Variants in ADAMTSL3 observed in about 807,000 individuals in gnomAD.
ADAMTSL3 encodes the protein ADAMTS like 3, also known as ADAMTS-like protein 3.
ADAMTSL3 carries 128 observed loss-of-function variants against 201.7 expected under a neutral mutation model. The ratio of observed to expected loss-of-function variants is 0.63; its 90% CI spans 0.55 to 0.73. The LOEUF (loss-of-function observed/expected upper bound fraction) is 0.73. Among genes scored for constraint, ADAMTSL3 ranks in the 30% least tolerant of loss-of-function variants. The pLI, the probability that ADAMTSL3 is intolerant of heterozygous loss-of-function variation, is 0.00. For missense variants in ADAMTSL3, 1,990 were observed against 2,119.6 expected, an observed-to-expected ratio of 0.94 and a Z score of 1.20; for synonymous variants, 738 against 748.4, an observed-to-expected ratio of 0.99 and a Z score of 0.23.
intron 7 of ADAMTSL3, among the ~76,000 whole-genome samples, chr15:83,850,253 C>T (rs991769262): frequency 2.0e-5 from 3 of 151,992 alleles, no homozygotes; most frequent in Non-Finnish European, 2.9e-5. Context: ...TTCTGCATTC[C>T]AGCTCCTCTG....
intron 4 of ADAMTSL3, among the ~76,000 whole-genome samples, chr15:83,803,845 T>C (rs1418738751): frequency 6.6e-6 from 1 of 152,144 alleles, no homozygotes; most frequent in Non-Finnish European, 1.5e-5. Flanking sequence ...GTAAGGTCAG[T>C]GGTTGAAACA....
At chr15:83,918,924 G>A (rs943902601) in intron 16 of ADAMTSL3, among the ~76,000 whole-genome samples, 2 of 152,158 alleles carry the variant, frequency 1.3e-5, no homozygotes, top group Non-Finnish European at 1.5e-5. Flanking sequence ...TGGTAGAGAT[G>A]GAGTATGGTG....
chr15:83,662,781 C>G (rs566350784), intron 2 of ADAMTSL3, among the ~76,000 whole-genome samples: 1 of 152,058 alleles, frequency 6.6e-6, no homozygotes, highest in Non-Finnish European at 1.5e-5. Flanking sequence ...ATACTTCTTC[C>G]TTTTATTTCT....
chr15:83,855,728 T>C (rs1027516407), intron 7 of ADAMTSL3, among the ~76,000 whole-genome samples: 1 of 152,238 alleles, frequency 6.6e-6, no homozygotes, highest in African/African-American at 2.4e-5. Flanking sequence ...TGCAAGCCTT[T>C]GGTTAATTTC....
chr15:83,947,685 T>A (rs2066679598), intron 19 of ADAMTSL3, among the ~76,000 whole-genome samples: 3 of 152,226 alleles, frequency 2.0e-5, no homozygotes, highest in Admixed American at 2.0e-4. Context: ...TTTCTACTTA[T>A]CTGACTATGT....
chr15:83,912,046 T>C (rs2065944366), intron 15 of ADAMTSL3, among the ~76,000 whole-genome samples: 1 of 152,234 alleles, frequency 6.6e-6, no homozygotes, highest in Non-Finnish European at 1.5e-5. Flanking sequence ...TCAAAACTTA[T>C]TCTATTACTG....
At chr15:83,658,979 C>T (rs563322861) in intron 2 of ADAMTSL3, among the ~76,000 whole-genome samples, 1 of 152,150 alleles carries the variant, frequency 6.6e-6, no homozygotes, top group Non-Finnish European at 1.5e-5. Context: ...ACTGTTTTAA[C>T]ATTGGTCATG....
At chr15:83,655,598 TG>T in intron 1 of ADAMTSL3, 130 bp from the exon 2 acceptor site, 1 of 661,184 alleles carries the variant, frequency 1.5e-6, no homozygotes, top group Non-Finnish European at 2.6e-6. Flanking sequence ...AGCGGCAACC[TG>T]GGCCAACACA....
chr15:83,911,103 A>C (rs2065924478), intron 15 of ADAMTSL3, among the ~76,000 whole-genome samples: 2 of 152,226 alleles, frequency 1.3e-5, no homozygotes, highest in African/African-American at 4.8e-5. Context: ...CATAAGGTAA[A>C]ATATGCACAT....
chr15:83,899,406 T>A lies in ADAMTSL3; in HGVS notation c.1616-241T>A, dbSNP rs10906982. Among the ~76,000 whole-genome samples the A allele has an allele frequency of 0.63, 95,279 of 151,906 alleles. 30,958 individuals are homozygous for A. Among genetic ancestry groups the A allele is most frequent in the African/African-American group, 0.79 (32,625 of 41,418 alleles). On this transcript the variant is annotated intron_variant, in intron 14 of 29. Transcript: ENST00000286744. Reference sequence around the variant, plus strand: ...ATTTTTATGTTAACTTTGACAGCATTTTCAACTGTATCATGTGATCATTTT... The same window carrying A: ...ATTTTTATGTTAACTTTGACAGCATATTCAACTGTATCATGTGATCATTTT...
At chr15:84,004,366 T>C (rs1596525750) in intron 23 of ADAMTSL3, among the ~76,000 whole-genome samples, 1 of 152,186 alleles carries the variant, frequency 6.6e-6, no homozygotes, top group African/African-American at 2.4e-5. Flanking sequence ...CAGCCAAGGT[T>C]AAGAACCACT....
intron 3 of ADAMTSL3, among the ~76,000 whole-genome samples, chr15:83,723,341 T>A (rs1023652984): frequency 6.6e-6 from 1 of 152,220 alleles, no homozygotes; most frequent in African/African-American, 2.4e-5. Flanking sequence ...GTTTATATTG[T>A]GCTGTTGAAT....
intron 2 of ADAMTSL3, among the ~76,000 whole-genome samples, chr15:83,658,074 G>A (rs1284980137): frequency 6.6e-6 from 1 of 152,164 alleles, no homozygotes; most frequent in African/African-American, 2.4e-5. Flanking sequence ...GAGGAGCAAG[G>A]GATGTGCCAA....
chr15:83,754,619 T>G (rs571408232), intron 3 of ADAMTSL3, among the ~76,000 whole-genome samples: 1 of 152,370 alleles, frequency 6.6e-6, no homozygotes, highest in South Asian at 2.1e-4. Context: ...GTAAATAGCA[T>G]TCTAAGCATT....
At chr15:84,031,195 C>CT (rs1374271031) in intron 27 of ADAMTSL3, 140 bp from the exon 28 acceptor site, 12 of 793,298 alleles carry the variant, frequency 1.5e-5, no homozygotes, top group Non-Finnish European at 2.5e-5. Flanking sequence ...CCCTAATCCT[C>CT]TTTAACTCCC....
rs375767823 is a variant in ADAMTSL3, at chr15:83,990,625, C to T, written c.3845-461C>T. On this transcript the variant is annotated intron_variant, in intron 22 of 29. Coordinates refer to ENST00000286744, the MANE Select transcript of ADAMTSL3 (RefSeq NM_207517.3). ...CCCCCTCCCCCAGTATCTCACATCC[C>T]TCCTTCCAGAAAAAGAGTCAGGTAG... Among the ~76,000 whole-genome samples, 15 of 152,286 alleles carry T rather than the reference C, an allele frequency of 9.8e-5. No individual in the cohort carries two copies. The East Asian group carries it at 2.7e-3, about 27-fold the overall frequency.
intron 28 of ADAMTSL3, among the ~76,000 whole-genome samples, chr15:84,035,669 AC>A (rs1237593975): frequency 6.6e-6 from 1 of 152,230 alleles, no homozygotes; most frequent in Non-Finnish European, 1.5e-5. Flanking sequence ...CCATTTTATT[AC>A]ATTTCCCATA....
chr15:84,022,615 A>T (rs2068224356), intron 26 of ADAMTSL3, among the ~76,000 whole-genome samples: 1 of 152,250 alleles, frequency 6.6e-6, no homozygotes, highest in Admixed American at 6.5e-5. Context: ...CAAAATTCCC[A>T]GCACTGGGGT....
At chr15:84,005,075 A>G (rs1433490016) in intron 23 of ADAMTSL3, among the ~76,000 whole-genome samples, 2 of 152,176 alleles carry the variant, frequency 1.3e-5, no homozygotes, top group Admixed American at 1.3e-4. Flanking sequence ...TGAGAGGTGC[A>G]GCTCAGAAGA....
Sources: allele counts gnomAD v4.1 joint callset (sites outside exome capture counted in the v4.1 genomes callset), GRCh38; gene constraint gnomAD v4.1.1; transcripts MANE v1.5; gene names NCBI Gene and HGNC (gene_info 2026-07-23, HGNC 2026-07-21).